KATNAL2: variants seen among roughly 807,000 people sequenced by gnomAD.
KATNAL2 encodes katanin p60 ATPase-containing subunit A-like 2.
Under a neutral mutation model 76.3 loss-of-function variants are expected in KATNAL2, and 52 were observed. The ratio of observed to expected loss-of-function variants is 0.68; its 90% CI spans 0.55 to 0.86. KATNAL2 has a LOEUF of 0.86. KATNAL2 is among the 40% of genes least tolerant of loss of function. The probability of loss-of-function intolerance (pLI) is 0.00; values close to 1 mark genes in which losing one functional copy is unlikely to be tolerated. For missense variants in KATNAL2, 660 were observed against 668.9 expected (o/e 0.99, Z 0.15); for synonymous variants, 243 against 244.2 (o/e 1.00, Z 0.05).
intron 4 of KATNAL2, among the ~76,000 whole-genome samples, chr18:47,047,656 C>T (rs940542444): frequency 2.0e-5 from 3 of 152,036 alleles, no homozygotes; most frequent in Non-Finnish European, 4.4e-5. Flanking sequence ...ACTTTATATT[C>T]GCTTTTCTTT....
intron 15 of KATNAL2, chr18:47,098,581 A>C (rs1248528392): frequency 6.4e-6 from 1 of 155,456 alleles, no homozygotes. Context: ...ACACAGAGCC[A>C]AACCATATCA....
Position 47,069,516 on chromosome 18 carries a change from C to A in KATNAL2, c.924C>A (p.Ala308=), listed in dbSNP as rs1486392590. ...TGKTLLAKAV[A]TECKTTFFNI... is the part of the protein sequence containing the mutation. Reference sequence around the variant, plus strand: ...AGACTTTACTGGCCAAAGCTGTGGCCACTGAATGTAAAACAACCTTCTTTA... The same window carrying A: ...AGACTTTACTGGCCAAAGCTGTGGCAACTGAATGTAAAACAACCTTCTTTA... Residue 308 remains alanine (A), a synonymous_variant, in exon 13 of 18, where the codon GCC becomes GCA. Transcript: ENST00000683218. 1.2e-6 allele frequency: 2 copies of A among 1,613,772 alleles called. No individual in the cohort carries two copies. Among genetic ancestry groups the A allele is most frequent in the Non-Finnish European group, 1.7e-6 (2 of 1,179,874 alleles).
intron 15 of KATNAL2, among the ~76,000 whole-genome samples, chr18:47,097,603 C>T (rs2063304329): frequency 6.6e-6 from 1 of 152,102 alleles, no homozygotes; most frequent in Non-Finnish European, 1.5e-5. Context: ...CAAAAAGGGT[C>T]TAGGGCAAGC....
intron 12 of KATNAL2, 79 bp downstream of exon 12, chr18:47,069,362 G>A (rs903243818): frequency 8.0e-6 from 11 of 1,382,358 alleles, no homozygotes; most frequent in Middle Eastern, 3.6e-4. Flanking sequence ...CCTCACTTCA[G>A]GACTGGGGCA....
chr18:47,034,327 G>A (rs956577760), intron 3 of KATNAL2: 1 of 1,612,638 alleles, frequency 6.2e-7, no homozygotes, highest in South Asian at 1.1e-5. Flanking sequence ...CTTCTTGTTC[G>A]AGTGACTGTG....
In KATNAL2 at chr18:47,032,958, A is replaced by G. The variant is rs773285567; in HGVS notation, c.52-13499A>G. 8 of 1,613,120 alleles carry G rather than the reference A, an allele frequency of 5.0e-6. No homozygotes were observed. In the South Asian group the frequency reaches 7.7e-5, roughly 16 times the overall value. ...TCCCCAACCCGCATTGACTTTGCCA[A>G]TGCAAAAATCCCCCCAGATTTTATC... On this transcript the variant is annotated intron_variant, in intron 3 of 17. Coordinates refer to ENST00000683218, the MANE Select transcript of KATNAL2 (RefSeq NM_001387690.1).
intron 15 of KATNAL2, among the ~76,000 whole-genome samples, chr18:47,089,818 A>C (rs2062922658): frequency 6.6e-6 from 1 of 152,250 alleles, no homozygotes; most frequent in South Asian, 2.1e-4. Flanking sequence ...ACCTTCATAA[A>C]TAATTCCTGG....
chr18:47,034,627 C>G, intron 3 of KATNAL2: 3 of 1,614,084 alleles, frequency 1.9e-6, no homozygotes, highest in Non-Finnish European at 2.5e-6. Context: ...CTGGGGTTGG[C>G]CCTGGCAGCC....
chr18:46,946,020 C>T (rs1292718561), intron 1 of KATNAL2, 37 bp from the exon 2 acceptor site: 4 of 179,580 alleles, frequency 2.2e-5, no homozygotes, highest in African/African-American at 7.2e-5. Flanking sequence ...AAAGGTGATT[C>T]AGTTCAACAC....
chr18:47,034,074 T>C, intron 3 of KATNAL2: 2 of 1,614,218 alleles, frequency 1.2e-6, no homozygotes, highest in African/African-American at 1.3e-5. Flanking sequence ...TTCCAGTCTT[T>C]TTCTTTTGCT....
Position 47,034,786 on chromosome 18 carries a change from A to C in KATNAL2, c.52-11671A>C, listed in dbSNP as rs151287064. 1.4e-5 allele frequency: 22 copies of C among 1,612,316 alleles called. 1 individual carries two copies. The highest frequency in any genetic ancestry group is 2.0e-4 in the Middle Eastern group (1 of 5,002). On this transcript the variant is annotated intron_variant, in intron 3 of 17. Transcript: ENST00000683218. ...ATAGCGGCCGGAATCAGCTGGGGCT[A>C]TTCTGGGGCACTTTCTCTCAGCTCT...
rs985048975 is a variant in KATNAL2 at position 47,079,941 on chromosome 18, G to A, written c.1211+2480G>A. Among the ~76,000 whole-genome samples, 5 of 152,236 alleles carry A rather than the reference G, an allele frequency of 3.3e-5. No individual in the cohort carries two copies. In the East Asian group the frequency reaches 9.6e-4, roughly 29 times the overall value. ...TGGTGATGCTAAGATTGATCACCGG[G>A]TTCAGGTGTGTCACCCTGGTTCCTT... On this transcript the variant is annotated intron_variant, in intron 15 of 17. Coordinates refer to ENST00000683218, the MANE Select transcript of KATNAL2 (RefSeq NM_001387690.1).
chr18:46,933,764 A>G (rs537093477), intron 1 of KATNAL2, among the ~76,000 whole-genome samples: 1 of 890 alleles, frequency 1.1e-3, no homozygotes, highest in African/African-American at 3.7e-3. Flanking sequence ...AGCATTAGGT[A>G]TATCCCCTAA....
intron 8 of KATNAL2, among the ~76,000 whole-genome samples, chr18:47,060,650 C>G (rs2061604481): frequency 6.6e-6 from 1 of 152,176 alleles, no homozygotes; most frequent in Admixed American, 6.5e-5. Context: ...GCTCAAACCT[C>G]TGGAGTGCTG....
intron 7 of KATNAL2, 142 bp downstream of exon 7, chr18:47,058,494 C>T (rs1569093006): frequency 3.4e-6 from 2 of 594,502 alleles, no homozygotes; most frequent in Admixed American, 3.0e-5. Context: ...GGTTTTCTTC[C>T]AGTACACTGG....
At chr18:46,951,590 C>T (rs1356428702) in intron 3 of KATNAL2, among the ~76,000 whole-genome samples, 3 of 151,772 alleles carry the variant, frequency 2.0e-5, no homozygotes, top group Non-Finnish European at 4.4e-5. Flanking sequence ...CCTTCTTGCC[C>T]TATATCCCTC....
intron 1 of KATNAL2, among the ~76,000 whole-genome samples, chr18:46,935,293 C>G (rs1474394317): frequency 3.3e-5 from 5 of 152,150 alleles, no homozygotes; most frequent in Non-Finnish European, 7.3e-5. Flanking sequence ...CCGCAACACC[C>G]ACTGACTCCC....
At chr18:47,040,059 A>T (rs2060911182) in intron 3 of KATNAL2, among the ~76,000 whole-genome samples, 1 of 152,262 alleles carries the variant, frequency 6.6e-6, no homozygotes. Flanking sequence ...GAAATGGATT[A>T]GCTTTATTTA....
At chr18:47,032,724 A>G (rs938213819) in intron 3 of KATNAL2, 3 of 553,588 alleles carry the variant, frequency 5.4e-6, no homozygotes, top group Non-Finnish European at 9.5e-6. Context: ...GATTACAACT[A>G]GGGTGTTTTT....
Sources: allele counts gnomAD v4.1 joint callset (sites outside exome capture counted in the v4.1 genomes callset), GRCh38; gene constraint gnomAD v4.1.1; transcripts MANE v1.5; gene names NCBI Gene and HGNC (gene_info 2026-07-23, HGNC 2026-07-21).